Variants in CNTNAP3B observed in about 807,000 individuals in gnomAD.
CNTNAP3B encodes contactin associated protein family member 3B, also known as contactin-associated protein-like 3B.
In CNTNAP3B, 25 loss-of-function variants were observed where a neutral mutation model predicts 108.9. The observed-to-expected ratio is 0.23, with a 90% CI of 0.17 to 0.32. The LOEUF (loss-of-function observed/expected upper bound fraction) is 0.32, where lower values mean the gene tolerates loss of function less well. CNTNAP3B is among the 10% of genes least tolerant of loss of function. CNTNAP3B has a pLI of 1.00. For synonymous variants in CNTNAP3B, 103 were observed against 473.4 expected, an observed-to-expected ratio of 0.22 and a Z score of 10.16; for missense variants, 252 against 1,210.4, an observed-to-expected ratio of 0.21 and a Z score of 11.75.
chr9:41,928,018 G>A (rs1398075764), intron 15 of CNTNAP3B, among the ~76,000 whole-genome samples: 1 of 151,340 alleles, frequency 6.6e-6, no homozygotes, highest in Non-Finnish European at 1.5e-5. Flanking sequence ...GAATATTTCG[G>A]TCAAAATAAG....
intron 12 of CNTNAP3B, chr9:41,960,175 T>G (rs576591108): frequency 6.3e-6 from 1 of 158,354 alleles, no homozygotes; most frequent in African/African-American, 2.4e-5. Flanking sequence ...AATTTTTGTA[T>G]TTTTAGTAGA....
At position 41,953,279 on chromosome 9, in the gene CNTNAP3B, C is replaced by A. The variant is rs1824752694; in HGVS notation, c.1984G>T (p.Gly662Cys). 2 of 1,528,314 alleles carry A rather than the reference C, an allele frequency of 1.3e-6. No individual in the cohort carries two copies. The highest frequency in any genetic ancestry group is 2.1e-5 in the Admixed American group (1 of 47,846). 94.7% of individuals were successfully genotyped at this position (1,528,314 alleles called of 1,614,324 possible). ...LSAVSFAYAA[G>C]AGQLRAAVNL... ...ACCGCGGCCCGCAGCTGCCCCGCGC[C>A]CGCTGCGTACGCGAAGGACACAGCC... Residue 662 changes from glycine (G) to cysteine (C), a missense_variant, in exon 13 of 24, where the codon GGC becomes TGC. Gly to Cys is a radical substitution (Grantham distance 159). Transcript: ENST00000377561.
chr9:42,059,912 A>C (rs1827141799), intron 3 of CNTNAP3B, among the ~76,000 whole-genome samples: 1 of 144,350 alleles, frequency 6.9e-6, no homozygotes, highest in Non-Finnish European at 1.5e-5. Flanking sequence ...ATTAGTTCTA[A>C]TAATTTTTTG....
intron 14 of CNTNAP3B, among the ~76,000 whole-genome samples, chr9:41,932,090 C>T (rs1479079334): frequency 1.0e-3 from 158 of 151,328 alleles, no homozygotes; most frequent in Non-Finnish European, 1.9e-3. Context: ...AGATTCCCAA[C>T]CTTTGGAAAT....
intron 14 of CNTNAP3B, among the ~76,000 whole-genome samples, chr9:41,930,093 CT>C (rs1823933217): frequency 6.6e-6 from 1 of 151,876 alleles, no homozygotes; most frequent in Non-Finnish European, 1.5e-5. Flanking sequence ...TTTTAAAGTC[CT>C]TTTATGATTA....
In CNTNAP3B at chr9:42,127,554, C is replaced by A. The variant is rs1326729570; in HGVS notation, c.85+1456G>T. ...TTGATTGGTCAATTACTCTAGCATGCCTTTCTATAAGTAACTCATTTATGT... is the reference window on the plus strand; with the variant it reads ...TTGATTGGTCAATTACTCTAGCATGACTTTCTATAAGTAACTCATTTATGT... On this transcript the variant is annotated intron_variant, in intron 1 of 23. Coordinates refer to ENST00000377561, the MANE Select transcript of CNTNAP3B (RefSeq NM_001201380.3). Among the ~76,000 whole-genome samples, 10 of 139,404 alleles carry A rather than the reference C, an allele frequency of 7.2e-5. 1 individual carries two copies. Among genetic ancestry groups the A allele is most frequent in the Non-Finnish European group, 1.4e-4 (9 of 65,006 alleles). 91.5% of individuals were successfully genotyped at this position (139,404 alleles called of 152,430 possible).
At chr9:41,913,419 T>C (rs1009073701) in intron 18 of CNTNAP3B, among the ~76,000 whole-genome samples, 2 of 151,888 alleles carry the variant, frequency 1.3e-5, no homozygotes, top group Admixed American at 6.6e-5. Context: ...TCATTTGTTT[T>C]CTTTTCACTT....
At chr9:41,990,612 G>A in intron 8 of CNTNAP3B, among the ~76,000 whole-genome samples, 1 of 131,546 alleles carries the variant, frequency 7.6e-6, no homozygotes, top group Non-Finnish European at 1.6e-5. Context: ...TATCCCCCTG[G>A]TCTCAAGCAG....
chr9:41,939,945 A>T (rs1183951319), intron 13 of CNTNAP3B, among the ~76,000 whole-genome samples: 1 of 152,048 alleles, frequency 6.6e-6, no homozygotes, highest in Non-Finnish European at 1.5e-5. Flanking sequence ...GAAGCTTAGG[A>T]CCCCAGGACT....
At chr9:42,088,689 T>A (rs1186416432) in intron 2 of CNTNAP3B, among the ~76,000 whole-genome samples, 3 of 137,554 alleles carry the variant, frequency 2.2e-5, no homozygotes, top group African/African-American at 8.7e-5. Context: ...AAAAAAAGCA[T>A]AAAAATAGAA....
At chr9:41,977,848 G>T (rs548231189) in intron 9 of CNTNAP3B, among the ~76,000 whole-genome samples, 2 of 139,976 alleles carry the variant, frequency 1.4e-5, no homozygotes, top group Non-Finnish European at 3.1e-5. Flanking sequence ...AGCCAGGATG[G>T]TCTCGATCTC....
At position 42,090,811 on chromosome 9, in the gene CNTNAP3B, G is replaced by A. The variant is rs1174596934; in HGVS notation, c.197-13749C>T. 6.9e-5 allele frequency among the ~76,000 whole-genome samples: 5 copies of A among 72,104 alleles called. 1 individual carries two copies. The highest frequency in any genetic ancestry group is 1.4e-4 in the Non-Finnish European group (5 of 35,702). 47.3% of individuals were successfully genotyped at this position (72,104 alleles called of 152,430 possible). A position where few individuals can be genotyped will look rare whatever the true frequency, so the allele number is the denominator to read the frequency against. On this transcript the variant is annotated intron_variant, in intron 2 of 23. Transcript: ENST00000377561. ...ATATATACACACACTCACACTGACC[G>A]TATATATGTATATATTCCTGCAACT...
intron 1 of CNTNAP3B, among the ~76,000 whole-genome samples, chr9:42,117,493 A>G (rs1828346429): frequency 7.1e-6 from 1 of 141,404 alleles, no homozygotes; most frequent in Non-Finnish European, 1.5e-5. Context: ...CAAACACACA[A>G]CATACCAGAA....
intron 2 of CNTNAP3B, among the ~76,000 whole-genome samples, chr9:42,097,794 C>T (rs1417675348): frequency 7.3e-6 from 1 of 136,168 alleles, no homozygotes; most frequent in Non-Finnish European, 1.6e-5. Flanking sequence ...GTCTGAGATT[C>T]ATCAACTGAG....
At chr9:41,958,888 C>T (rs1346695244) in intron 12 of CNTNAP3B, among the ~76,000 whole-genome samples, 3 of 139,414 alleles carry the variant, frequency 2.2e-5, no homozygotes, top group Middle Eastern at 3.6e-3. Context: ...TGTGAGAACC[C>T]AGTCAAGCTA....
Position 42,121,563 on chromosome 9 carries a change from G to T in CNTNAP3B, c.85+7447C>A, listed in dbSNP as rs181253979. ...AATCAACCCCGGCCACCCAGGAGAT[G>T]AGCTTTGTCACAGCAATTCTTCCTC... On this transcript the variant is annotated intron_variant, in intron 1 of 23. Transcript: ENST00000377561. Among the ~76,000 whole-genome samples, 56 of 139,524 alleles carry T rather than the reference G, an allele frequency of 4.0e-4. 6 individuals are homozygous for T. The East Asian group carries it at 8.1e-3, about 20-fold the overall frequency. The allele number at this position is 139,524 out of a possible 152,430, so 91.5% of individuals were successfully genotyped here.
chr9:42,043,222 C>T lies in CNTNAP3B; in HGVS notation c.391-29697G>A, dbSNP rs1361132290. Among the ~76,000 whole-genome samples, 2 of 106,940 alleles carry T rather than the reference C, an allele frequency of 1.9e-5. 1 individual carries two copies. Among genetic ancestry groups the T allele is most frequent in the African/African-American group, 7.4e-5 (2 of 27,062 alleles). The allele number at this position is 106,940 out of a possible 152,430, so 70.2% of individuals were successfully genotyped here. On this transcript the variant is annotated intron_variant, in intron 3 of 23. Coordinates refer to ENST00000377561, the MANE Select transcript of CNTNAP3B (RefSeq NM_001201380.3). ...CTCACTCTTTGCCCAGGTTGGAGTG[C>T]AGTGGTGGGATCTCAGCTCACTGCA...
chr9:41,925,395 C>A (rs1823788273), intron 15 of CNTNAP3B, among the ~76,000 whole-genome samples: 1 of 152,184 alleles, frequency 6.6e-6, no homozygotes, highest in African/African-American at 2.4e-5. Flanking sequence ...AGATCCAGAC[C>A]ATCCTGGCTA....
At chr9:42,098,434 T>G (rs1587270626) in intron 2 of CNTNAP3B, among the ~76,000 whole-genome samples, 1 of 100,456 alleles carries the variant, frequency 1.0e-5, no homozygotes, top group Non-Finnish European at 2.0e-5. Flanking sequence ...AAAAAAAAAA[T>G]TAGCCGGGCA....
Sources: allele counts gnomAD v4.1 joint callset (sites outside exome capture counted in the v4.1 genomes callset), GRCh38; gene constraint gnomAD v4.1.1; transcripts MANE v1.5; gene names NCBI Gene and HGNC (gene_info 2026-07-23, HGNC 2026-07-21).